Variants in UHMK1 observed in about 807,000 individuals in gnomAD.
UHMK1 encodes serine/threonine-protein kinase Kist.
Under a neutral mutation model 44.0 loss-of-function variants are expected in UHMK1, and 18 were observed. That is an observed-to-expected ratio of 0.41 (90% CI 0.28 to 0.61). The LOEUF is 0.61. UHMK1 is among the 20% of genes least tolerant of loss of function. The pLI, the probability that UHMK1 is intolerant of heterozygous loss-of-function variation, is 0.31. For synonymous variants in UHMK1, 231 were observed against 198.5 expected (o/e 1.16, Z -1.38); for missense variants, 463 against 522.5 (o/e 0.89, Z 1.11).
chr1:162,500,043 G>A lies in UHMK1; in HGVS notation c.357G>A (p.Ser119=). Residue 119 remains serine, a synonymous_variant, in exon 2 of 8, where the codon TCG becomes TCA. Coordinates refer to ENST00000489294, the MANE Select transcript of UHMK1 (RefSeq NM_175866.5). ...TTGAACTCCTGGATGTCAGTGTTTCGGAATTGCTCTTATATTCCAGTCACC... is the reference window on the plus strand; with the variant it reads ...TTGAACTCCTGGATGTCAGTGTTTCAGAATTGCTCTTATATTCCAGTCACC... ...LLLELLDVSV[S]ELLLYSSHQG... The A allele has an allele frequency of 6.2e-7, 1 of 1,614,130 alleles. No homozygotes were observed. The highest frequency in any genetic ancestry group is 8.5e-7 in the Non-Finnish European group (1 of 1,180,028).
chr1:162,507,581 C>CTTTTTTTT lies in UHMK1; in HGVS notation c.848+3737_848+3744dup, dbSNP rs548617627. On this transcript the variant is annotated intron_variant, in intron 4 of 7. Transcript: ENST00000489294. The stretch of plus-strand genomic sequence containing the variant: ...AGCCACCACCCCCAACCCATTCTTT[C>CTTTTTTTT]TTTTTTTTTTTCTTTTTTTTTGTGA... Among the ~76,000 whole-genome samples, 39 of 133,228 alleles carry CTTTTTTTT rather than the reference C, an allele frequency of 2.9e-4. 3 individuals are homozygous for CTTTTTTTT. The highest frequency in any genetic ancestry group is 3.7e-4 in the African/African-American group (13 of 35,392). 87.4% of individuals were successfully genotyped at this position (133,228 alleles called of 152,430 possible).
At position 162,529,367 on chromosome 1, in the gene UHMK1, T is replaced by C. The variant is rs533735127; in HGVS notation, c.*6817T>C. Reference sequence around the variant, plus strand: ...CCTAAATTTCTGATTTCCATTCAAGTCTTTTAAACTCTTTCCTGCTGAATA... The same window carrying C: ...CCTAAATTTCTGATTTCCATTCAAGCCTTTTAAACTCTTTCCTGCTGAATA... On this transcript the variant is annotated 3_prime_UTR_variant, in exon 8 of 8. Transcript: ENST00000489294. 6.6e-6 allele frequency: 1 copy of C among 152,322 alleles called. No individual in the cohort carries two copies. The highest frequency in any genetic ancestry group is 1.9e-4 in the East Asian group (1 of 5,188). The allele number at this position is 152,322 out of a possible 1,614,324, so 9.4% of individuals were successfully genotyped here.
rs1385758050 is a variant in UHMK1 at position 162,524,809 on chromosome 1, A to G, written c.*2259A>G. On this transcript the variant is annotated 3_prime_UTR_variant, in exon 8 of 8. Coordinates refer to ENST00000489294, the MANE Select transcript of UHMK1 (RefSeq NM_175866.5). The stretch of plus-strand genomic sequence containing the variant: ...GTGCTTGACACTGTAGAATTTTGTT[A>G]CAGAAGATGGTTACTAGATTTTAAG... The G allele has an allele frequency of 6.6e-6, 1 of 152,172 alleles. No individual in the cohort carries two copies. Among genetic ancestry groups the G allele is most frequent in the Non-Finnish European group, 1.5e-5 (1 of 68,030 alleles). The allele number at this position is 152,172 out of a possible 1,614,324, so 9.4% of individuals were successfully genotyped here. A position where few individuals can be genotyped will look rare whatever the true frequency, so the allele number is the denominator to read the frequency against.
chr1:162,526,149 C>T lies in UHMK1; in HGVS notation c.*3599C>T, dbSNP rs1202591184. 1 of 151,956 alleles carries T rather than the reference C, an allele frequency of 6.6e-6. No individual in the cohort carries two copies. The highest frequency in any genetic ancestry group is 1.5e-5 in the Non-Finnish European group (1 of 67,976). 9.4% of individuals were successfully genotyped at this position (151,956 alleles called of 1,614,324 possible). A position where few individuals can be genotyped will look rare whatever the true frequency, so the allele number is the denominator to read the frequency against. On this transcript the variant is annotated 3_prime_UTR_variant, in exon 8 of 8. Coordinates refer to ENST00000489294, the MANE Select transcript of UHMK1 (RefSeq NM_175866.5). Reference sequence around the variant, plus strand: ...GCACTTATCAGATGCTGTTTCATGGCTTGTTTTAGTTAATTTATCATGCAG... The same window carrying T: ...GCACTTATCAGATGCTGTTTCATGGTTTGTTTTAGTTAATTTATCATGCAG...
chr1:162,498,357 C>A lies in UHMK1; in HGVS notation c.268+89C>A. On this transcript the variant is annotated intron_variant, in intron 1 of 7. Transcript: ENST00000489294. ...GCTGTCTGGCGTTCCATCTTCCTCC[C>A]CTTCTGCGGGAGAAGCGGGTTTAGC... 5.5e-6 allele frequency: 8 copies of A among 1,458,306 alleles called. No homozygotes were observed. The South Asian group carries it at 9.8e-5, about 18-fold the overall frequency. 90.3% of individuals were successfully genotyped at this position (1,458,306 alleles called of 1,614,324 possible). A position where few individuals can be genotyped will look rare whatever the true frequency, so the allele number is the denominator to read the frequency against.
At chr1:162,506,168 A>G (rs1651459558) in intron 4 of UHMK1, among the ~76,000 whole-genome samples, 1 of 151,476 alleles carries the variant, frequency 6.6e-6, no homozygotes, top group Admixed American at 6.6e-5. Flanking sequence ...TGGAAGTTAA[A>G]TTTTCATCTA....
rs568595316 is a variant in UHMK1, at chr1:162,520,677, A to G, written c.1114-1727A>G. On this transcript the variant is annotated intron_variant, in intron 7 of 7. Transcript: ENST00000489294. ...ATTCCTGGCAGATTTGAGGAGGCCA[A>G]TGTGGCTGTAGCAGAGTGAGAAAGA... Among the ~76,000 whole-genome samples the G allele has an allele frequency of 1.6e-4, 25 of 152,336 alleles. No individual in the cohort carries two copies. The East Asian group carries it at 3.5e-3, about 21-fold the overall frequency.
chr1:162,506,223 GCCCC>G (rs3035616), intron 4 of UHMK1, among the ~76,000 whole-genome samples: 70 of 121,610 alleles, frequency 5.8e-4, no homozygotes, highest in African/African-American at 1.4e-3. Flanking sequence ...TTAAATAATA[GCCCC>G]CCCCCCCCCA....
chr1:162,498,288 T>G lies in UHMK1; in HGVS notation c.268+20T>G. Reference sequence around the variant, plus strand: ...ACATCGGTAATTGCCGCTGTCTCCTTTCTCTTCTTGCCCAGGTCACAGTCC... The same window carrying G: ...ACATCGGTAATTGCCGCTGTCTCCTGTCTCTTCTTGCCCAGGTCACAGTCC... On this transcript the variant is annotated intron_variant, in intron 1 of 7. Transcript: ENST00000489294. 1 of 1,566,718 alleles carries G rather than the reference T, an allele frequency of 6.4e-7. No individual in the cohort carries two copies. Among genetic ancestry groups the G allele is most frequent in the African/African-American group, 1.4e-5 (1 of 73,774 alleles).
At chr1:162,521,254 T>C (rs1390665150) in intron 7 of UHMK1, among the ~76,000 whole-genome samples, 1 of 152,168 alleles carries the variant, frequency 6.6e-6, no homozygotes, top group Non-Finnish European at 1.5e-5. Context: ...TCATAATTTA[T>C]AAAAATAAGA....
rs766301053 is a variant in UHMK1, at chr1:162,503,743, C to T, written c.754-11C>T. 40 of 1,611,624 alleles carry T rather than the reference C, an allele frequency of 2.5e-5. 1 individual carries two copies. The Admixed American group carries it at 2.8e-4, about 11-fold the overall frequency. On this transcript the variant is annotated splice_polypyrimidine_tract_variant and intron_variant, in intron 3 of 7. Transcript: ENST00000489294. ...GAATAACCAAAGGAAAACTTTTCTC[C>T]GTTTTTTAAGGCAAACAGTTCTGCT... is the stretch of plus-strand genomic sequence containing the variant.
chr1:162,498,046 C>T lies in UHMK1; in HGVS notation c.46C>T (p.Leu16=), dbSNP rs1651120035. The T allele has an allele frequency of 2.5e-6, 4 of 1,602,526 alleles. No homozygotes were observed. Among genetic ancestry groups the T allele is most frequent in the Middle Eastern group, 1.9e-4 (1 of 5,378 alleles). The part of the protein sequence containing the change: ...CAWGAEPPRF[L]EAFGRLWQVQ... ...CTGGGGCGCGGAGCCGCCGCGTTTT[C>T]TGGAGGCCTTCGGGCGGCTGTGGCA... Residue 16 remains leucine (L), a synonymous_variant, in exon 1 of 8, where the codon CTG becomes TTG. Coordinates refer to ENST00000489294, the MANE Select transcript of UHMK1 (RefSeq NM_175866.5).
At chr1:162,501,214 G>T in intron 3 of UHMK1, 110 bp downstream of exon 3, 3 of 1,134,722 alleles carry the variant, frequency 2.6e-6, no homozygotes, top group Non-Finnish European at 3.7e-6. Flanking sequence ...CTTTCACCCA[G>T]GCTGGAGTGC....
rs1571024507 is a variant in UHMK1, at chr1:162,526,507, G to A, written c.*3957G>A. On this transcript the variant is annotated 3_prime_UTR_variant, in exon 8 of 8. Transcript: ENST00000489294. Reference sequence around the variant, plus strand: ...TGTGTAGATAAAGATTTAAGCAAGTGCCTTGTGTTTGCTGGAAAATATTAA... The same window carrying A: ...TGTGTAGATAAAGATTTAAGCAAGTACCTTGTGTTTGCTGGAAAATATTAA... 6.6e-6 allele frequency: 1 copy of A among 151,854 alleles called. No individual in the cohort carries two copies. The highest frequency in any genetic ancestry group is 1.9e-4 in the East Asian group (1 of 5,186). 9.4% of individuals were successfully genotyped at this position (151,854 alleles called of 1,614,324 possible).
At chr1:162,498,320 A>C in intron 1 of UHMK1, 52 bp downstream of exon 1, 4 of 1,507,980 alleles carry the variant, frequency 2.7e-6, no homozygotes, top group East Asian at 4.8e-5. Flanking sequence ...GTCCGAGCAC[A>C]CTCTTCCTCT....
intron 6 of UHMK1, chr1:162,513,200 A>C: frequency 4.8e-6 from 1 of 210,524 alleles, no homozygotes; most frequent in South Asian, 7.2e-5. Flanking sequence ...TCAGCCTCTC[A>C]AAGTGCTGAG....
At position 162,497,886 on chromosome 1, in the gene UHMK1, G is replaced by A; in HGVS notation, c.-115G>A. ...AGTCCCGGGAGTCGGTGAGGCGGCT[G>A]CAGGTCCCTCCCTGCGGAGCCGCTG... On this transcript the variant is annotated 5_prime_UTR_variant, in exon 1 of 8. Coordinates refer to ENST00000489294, the MANE Select transcript of UHMK1 (RefSeq NM_175866.5). 7.1e-7 allele frequency: 1 copy of A among 1,410,178 alleles called. No homozygotes were observed. Among genetic ancestry groups the A allele is most frequent in the Admixed American group, 3.0e-5 (1 of 32,916 alleles). The allele number at this position is 1,410,178 out of a possible 1,614,324, so 87.4% of individuals were successfully genotyped here.
chr1:162,501,264 G>A (rs1233698657), intron 3 of UHMK1, among the ~76,000 whole-genome samples, 160 bp downstream of exon 3: 1 of 152,086 alleles, frequency 6.6e-6, no homozygotes, highest in Non-Finnish European at 1.5e-5. Context: ...CCACCTTCCG[G>A]TTTCAACCAA....
rs869268056 is a variant in UHMK1, at chr1:162,507,592, TC to T, written c.848+3745del. On this transcript the variant is annotated intron_variant, in intron 4 of 7. Transcript: ENST00000489294. ...CCAACCCATTCTTTCTTTTTTTTTT[TC>T]TTTTTTTTTGTGATACGGAGTCTCA... 2.8e-4 allele frequency among the ~76,000 whole-genome samples: 41 copies of T among 148,226 alleles called. 1 individual carries two copies. The highest frequency in any genetic ancestry group is 2.5e-4 in the Non-Finnish European group (17 of 66,866).
Sources: allele counts gnomAD v4.1 joint callset (sites outside exome capture counted in the v4.1 genomes callset), GRCh38; gene constraint gnomAD v4.1.1; transcripts MANE v1.5; gene names NCBI Gene and HGNC (gene_info 2026-07-23, HGNC 2026-07-21).